Variants in GPBP1 observed in about 807,000 individuals in gnomAD.
The protein encoded by GPBP1 is GC-rich promoter binding protein 1.
In GPBP1, 13 loss-of-function variants were observed where a neutral mutation model predicts 56.5. The ratio of observed to expected loss-of-function variants is 0.23; its 90% CI spans 0.15 to 0.37. GPBP1 has a LOEUF of 0.37. Ranked by LOEUF, GPBP1 falls within the 10% of genes least tolerant of loss-of-function variation. The pLI, the probability that GPBP1 is intolerant of heterozygous loss-of-function variation, is 1.00. For synonymous variants in GPBP1, 204 were observed against 188.9 expected (o/e 1.08, Z -0.66); for missense variants, 477 against 572.3 (o/e 0.83, Z 1.70).
At chr5:57,259,978 A>G (rs1741817859) in intron 10 of GPBP1, among the ~76,000 whole-genome samples, 2 of 151,910 alleles carry the variant, frequency 1.3e-5, no homozygotes, top group Non-Finnish European at 2.9e-5. Context: ...TTTGATTGTG[A>G]TTTGTCTTCT....
At chr5:57,250,520 A>G (rs941032993) in intron 9 of GPBP1, among the ~76,000 whole-genome samples, 2 of 149,614 alleles carry the variant, frequency 1.3e-5, no homozygotes, top group Non-Finnish European at 3.0e-5. Flanking sequence ...AAATTTAACA[A>G]TTATAAGTAT....
At chr5:57,193,816 T>A (rs1332903267) in intron 2 of GPBP1, among the ~76,000 whole-genome samples, 1 of 152,082 alleles carries the variant, frequency 6.6e-6, no homozygotes, top group Admixed American at 6.6e-5. Flanking sequence ...AACAGTTTAT[T>A]CAGGAAACAG....
intron 2 of GPBP1, among the ~76,000 whole-genome samples, chr5:57,188,511 C>G (rs931006800): frequency 6.6e-6 from 1 of 151,864 alleles, no homozygotes; most frequent in African/African-American, 2.4e-5. Flanking sequence ...AAAGCTGAGG[C>G]AGGTGGATTG....
intron 1 of GPBP1, among the ~76,000 whole-genome samples, chr5:57,174,661 C>G (rs1417675887): frequency 1.3e-5 from 2 of 152,342 alleles, no homozygotes; most frequent in South Asian, 4.1e-4. Context: ...CCCCGCCTCT[C>G]CCAGGTCCGT....
At chr5:57,251,214 G>T in intron 10 of GPBP1, 73 bp downstream of exon 10, 1 of 1,276,560 alleles carries the variant, frequency 7.8e-7, no homozygotes, top group South Asian at 1.5e-5. Context: ...GTTTTTACGT[G>T]ATTTAACAGG....
intron 2 of GPBP1, among the ~76,000 whole-genome samples, chr5:57,189,819 T>G (rs1211353137): frequency 1.3e-5 from 2 of 152,202 alleles, no homozygotes; most frequent in African/African-American, 2.4e-5. Flanking sequence ...CCCATTGGCC[T>G]TCTTTCTCTT....
Position 57,262,803 on chromosome 5 carries a change from G to C in GPBP1, c.*51G>C, listed in dbSNP as rs1450466712. 6.7e-7 allele frequency: 1 copy of C among 1,484,710 alleles called. No individual in the cohort carries two copies. Among genetic ancestry groups the C allele is most frequent in the Admixed American group, 1.9e-5 (1 of 51,542 alleles). The allele number at this position is 1,484,710 out of a possible 1,614,324, so 92.0% of individuals were successfully genotyped here. ...CTTAGTGTGATACATCTCTCATACA[G>C]TTTGGGGTGAATTGTAAAAATGAAG... On this transcript the variant is annotated 3_prime_UTR_variant, in exon 12 of 12. Coordinates refer to ENST00000506184, the MANE Select transcript of GPBP1 (RefSeq NM_022913.4).
intron 8 of GPBP1, chr5:57,248,949 T>C (rs1166643238): frequency 2.6e-5 from 4 of 152,560 alleles, no homozygotes; most frequent in African/African-American, 9.6e-5. Flanking sequence ...AACAAAAGGA[T>C]TCTTTCTCCT....
intron 3 of GPBP1, among the ~76,000 whole-genome samples, chr5:57,219,211 A>C (rs1269532315): frequency 6.6e-6 from 1 of 151,880 alleles, no homozygotes; most frequent in Non-Finnish European, 1.5e-5. Context: ...CCCCGTTTCT[A>C]CTAAAAATAC....
At chr5:57,190,029 T>G (rs545153950) in intron 2 of GPBP1, among the ~76,000 whole-genome samples, 41 of 152,304 alleles carry the variant, frequency 2.7e-4, no homozygotes, top group African/African-American at 9.6e-4. Context: ...TTATCTTGTT[T>G]ACCCTGTGCC....
At chr5:57,219,375 C>CAAAAAAAAAAAAAAAAACAAAAAAACCAA (rs1755830096) in intron 3 of GPBP1, among the ~76,000 whole-genome samples, 2 of 35,318 alleles carry the variant, frequency 5.7e-5, no homozygotes, top group Admixed American at 4.5e-4. Context: ...GACTCTGTCT[C>CAAAAAAAAAAAAAAAAACAAAAAAACCAA]AAAAAAAAAA....
intron 5 of GPBP1, among the ~76,000 whole-genome samples, chr5:57,234,027 G>A (rs187549716): frequency 5.3e-5 from 8 of 152,178 alleles, no homozygotes; most frequent in African/African-American, 1.9e-4. Flanking sequence ...ATTTCTAATA[G>A]TATACTTTAA....
intron 2 of GPBP1, among the ~76,000 whole-genome samples, chr5:57,198,919 C>T (rs957294374): frequency 3.3e-5 from 5 of 152,074 alleles, no homozygotes; most frequent in African/African-American, 1.2e-4. Flanking sequence ...TTTGCAGTTG[C>T]AATAATTTTA....
intron 10 of GPBP1, among the ~76,000 whole-genome samples, chr5:57,257,107 C>G (rs1007045348): frequency 6.6e-6 from 1 of 151,852 alleles, no homozygotes; most frequent in African/African-American, 2.4e-5. Context: ...GACCTCTGCT[C>G]ACTGCAACCT....
Position 57,214,059 on chromosome 5 carries a change from A to T in GPBP1, c.-57-15A>T. 7.6e-7 allele frequency: 1 copy of T among 1,315,642 alleles called. No individual in the cohort carries two copies. The highest frequency in any genetic ancestry group is 1.1e-6 in the Non-Finnish European group (1 of 912,886). The allele number at this position is 1,315,642 out of a possible 1,614,324, so 81.5% of individuals were successfully genotyped here. ...AGGAGCTGCAGGTCTAATTCCTTCCATTTTTATGTGACAGGGACTTGCCAT... is the reference window on the plus strand; with the variant it reads ...AGGAGCTGCAGGTCTAATTCCTTCCTTTTTTATGTGACAGGGACTTGCCAT... On this transcript the variant is annotated splice_polypyrimidine_tract_variant and intron_variant, in intron 2 of 11. Coordinates refer to ENST00000506184, the MANE Select transcript of GPBP1 (RefSeq NM_022913.4).
chr5:57,264,679 A>G (rs1742040401), downstream of GPBP1: 1 of 152,184 alleles, frequency 6.6e-6, no homozygotes, highest in Non-Finnish European at 1.5e-5. Flanking sequence ...GTACAGTGGT[A>G]TGGTTATTCT....
intron 2 of GPBP1, among the ~76,000 whole-genome samples, chr5:57,199,364 A>G (rs930745510): frequency 1.3e-5 from 2 of 152,114 alleles, no homozygotes; most frequent in Non-Finnish European, 2.9e-5. Context: ...AACATTAGGG[A>G]TGGGCGGAAC....
chr5:57,235,752 A>C (rs1756635389), intron 5 of GPBP1, among the ~76,000 whole-genome samples: 1 of 152,134 alleles, frequency 6.6e-6, no homozygotes, highest in African/African-American at 2.4e-5. Context: ...CCTGTTTCTG[A>C]AAATCCAAAA....
intron 5 of GPBP1, 102 bp downstream of exon 5, chr5:57,231,423 AC>A: frequency 1.2e-6 from 1 of 857,832 alleles, no homozygotes; most frequent in Non-Finnish European, 1.8e-6. Flanking sequence ...ACAGGCATCC[AC>A]CACCAGGCCC....
Sources: allele counts gnomAD v4.1 joint callset (sites outside exome capture counted in the v4.1 genomes callset), GRCh38; gene constraint gnomAD v4.1.1; transcripts MANE v1.5; gene names NCBI Gene and HGNC (gene_info 2026-07-23, HGNC 2026-07-21).